Variants in ADAM32 observed in about 807,000 individuals in gnomAD.
ADAM32 encodes the protein ADAM metallopeptidase domain 32.
A neutral mutation model predicts 114.9 loss-of-function variants in ADAM32; 89 were observed. The observed-to-expected ratio is 0.77, with a 90% CI of 0.65 to 0.92. The LOEUF is 0.92. Among genes scored for constraint, ADAM32 ranks in the 40% least tolerant of loss-of-function variants. The pLI is 0.00. For synonymous variants in ADAM32, 285 were observed against 307.5 expected, an observed-to-expected ratio of 0.93 and a Z score of 0.77; for missense variants, 870 against 932.8, an observed-to-expected ratio of 0.93 and a Z score of 0.88.
chr8:39,201,493 G>A (rs1585524984), intron 11 of ADAM32, among the ~76,000 whole-genome samples: 2 of 152,170 alleles, frequency 1.3e-5, no homozygotes, highest in Non-Finnish European at 2.9e-5. Flanking sequence ...CTGAGACTTT[G>A]CTGAAGTTGC....
intron 11 of ADAM32, among the ~76,000 whole-genome samples, chr8:39,194,205 C>T (rs1477024942): frequency 6.6e-6 from 1 of 152,144 alleles, no homozygotes; most frequent in Non-Finnish European, 1.5e-5. Context: ...TGTGTGCCCT[C>T]TGTGCACACT....
intron 19 of ADAM32, among the ~76,000 whole-genome samples, chr8:39,266,450 C>T (rs756585025): frequency 2.2e-4 from 33 of 152,136 alleles, no homozygotes; most frequent in Non-Finnish European, 4.1e-4. Flanking sequence ...ATGGTCTATT[C>T]TGTTATAATG....
rs115122856 is a variant in ADAM32, at chr8:39,145,800, C to T, written c.201-1330C>T. 7.1e-3 allele frequency among the ~76,000 whole-genome samples: 1,085 copies of T among 152,192 alleles called. 19 individuals carry two copies. Among genetic ancestry groups the T allele is most frequent in the African/African-American group, 0.025 (1,039 of 41,534 alleles). On this transcript the variant is annotated intron_variant, in intron 3 of 24. Transcript: ENST00000379907. ...AGGTTGGAAAGCAGTGGTGGCATCT[C>T]AGCTCACTGCAGCCTTGAACTCCTG...
intron 14 of ADAM32, among the ~76,000 whole-genome samples, chr8:39,225,217 G>T (rs7002593): frequency 6.6e-6 from 1 of 152,032 alleles, no homozygotes; most frequent in Admixed American, 6.5e-5. Context: ...GCACTCATAC[G>T]TCAGTCTCAG....
chr8:39,139,268 G>A (rs576395987), intron 3 of ADAM32, among the ~76,000 whole-genome samples: 1 of 152,258 alleles, frequency 6.6e-6, no homozygotes, highest in East Asian at 1.9e-4. Flanking sequence ...TCTCCTGAAT[G>A]GTATTGCCTA....
At chr8:39,116,843 T>C (rs991477786) in intron 1 of ADAM32, among the ~76,000 whole-genome samples, 7 of 152,142 alleles carry the variant, frequency 4.6e-5, no homozygotes, top group Non-Finnish European at 1.0e-4. Context: ...TTTCAACTTT[T>C]CCCCATTCAG....
At chr8:39,134,963 C>T (rs1802698635) in intron 2 of ADAM32, among the ~76,000 whole-genome samples, 1 of 152,096 alleles carries the variant, frequency 6.6e-6, no homozygotes, top group African/African-American at 2.4e-5. Context: ...CGAGACCAGC[C>T]TGACCAGCAT....
intron 19 of ADAM32, among the ~76,000 whole-genome samples, chr8:39,261,261 T>G (rs771245527): frequency 6.6e-6 from 1 of 152,156 alleles, no homozygotes; most frequent in African/African-American, 2.4e-5. Context: ...CTATTCTACA[T>G]TTTACTTCTG....
chr8:39,227,399 G>A (rs146864048), intron 14 of ADAM32, among the ~76,000 whole-genome samples: 7 of 152,300 alleles, frequency 4.6e-5, no homozygotes, highest in Admixed American at 3.3e-4. Flanking sequence ...ATTCCTGCCT[G>A]GCACCACAGG....
At chr8:39,188,363 G>GTCTA (rs946779398) in intron 11 of ADAM32, among the ~76,000 whole-genome samples, 1 of 102,248 alleles carries the variant, frequency 9.8e-6, no homozygotes, top group Non-Finnish European at 2.0e-5. Context: ...AATGGAATCT[G>GTCTA]TCTATCTATC....
chr8:39,129,733 G>T (rs997794484), intron 2 of ADAM32, among the ~76,000 whole-genome samples: 1 of 152,116 alleles, frequency 6.6e-6, no homozygotes, highest in Non-Finnish European at 1.5e-5. Flanking sequence ...TGAAAGAATT[G>T]TGAAGGATTA....
intron 10 of ADAM32, among the ~76,000 whole-genome samples, chr8:39,173,315 A>G (rs1392239715): frequency 2.0e-5 from 3 of 152,146 alleles, no homozygotes; most frequent in Non-Finnish European, 2.9e-5. Context: ...CTATTTCTCC[A>G]TAGCTTTGCC....
intron 22 of ADAM32, among the ~76,000 whole-genome samples, chr8:39,278,589 T>C (rs1813232340): frequency 6.6e-6 from 1 of 152,014 alleles, no homozygotes; most frequent in African/African-American, 2.4e-5. Context: ...TATTGTCATT[T>C]GGCTTTTAGC....
chr8:39,111,909 T>G (rs1840177650), intron 1 of ADAM32, among the ~76,000 whole-genome samples: 2 of 152,288 alleles, frequency 1.3e-5, no homozygotes, highest in South Asian at 4.1e-4. Context: ...GTATCAGTCT[T>G]TTCCTAAGGT....
intron 16 of ADAM32, among the ~76,000 whole-genome samples, chr8:39,241,641 AC>A (rs1319196481): frequency 9.2e-5 from 14 of 152,216 alleles, no homozygotes; most frequent in African/African-American, 3.4e-4. Flanking sequence ...CCTTTCAGTC[AC>A]AGCTTGAGTG....
chr8:39,203,257 G>A (rs1807563347), intron 11 of ADAM32, among the ~76,000 whole-genome samples: 1 of 152,162 alleles, frequency 6.6e-6, no homozygotes, highest in Admixed American at 6.5e-5. Flanking sequence ...TTATTATTGT[G>A]TGGGAGTCTA....
At chr8:39,220,261 C>A (rs1260214315) in intron 12 of ADAM32, among the ~76,000 whole-genome samples, 1 of 152,070 alleles carries the variant, frequency 6.6e-6, no homozygotes, top group Non-Finnish European at 1.5e-5. Flanking sequence ...ATATTGACTT[C>A]TGCTCTTTTT....
At chr8:39,137,582 C>T (rs1239963508) in intron 3 of ADAM32, among the ~76,000 whole-genome samples, 6 of 151,828 alleles carry the variant, frequency 4.0e-5, no homozygotes, top group African/African-American at 1.5e-4. Context: ...CCAGCCTGCC[C>T]AACATGGTGA....
At chr8:39,272,117 A>G (rs995152551) in intron 20 of ADAM32, among the ~76,000 whole-genome samples, 2 of 151,254 alleles carry the variant, frequency 1.3e-5, no homozygotes, top group African/African-American at 4.8e-5. Context: ...AAAAAAAAAA[A>G]AAAAGAAAGA....
Sources: gnomAD v4.1 joint callset for allele counts (sites outside exome capture counted in the v4.1 genomes callset) on GRCh38, gnomAD v4.1.1 for gene constraint, MANE v1.5 for transcripts, NCBI Gene and HGNC (gene_info 2026-07-23, HGNC 2026-07-21) for gene names.